Variants in NDUFAF5 observed in about 807,000 individuals in gnomAD.
The protein encoded by NDUFAF5 is NADH:ubiquinone oxidoreductase complex assembly factor 5, also known as arginine-hydroxylase NDUFAF5, mitochondrial.
In NDUFAF5, 34 loss-of-function variants were observed where a neutral mutation model predicts 48.9. The ratio of observed to expected loss-of-function variants is 0.70; its 90% CI spans 0.53 to 0.93. NDUFAF5 has a LOEUF of 0.93. Ranked by LOEUF, NDUFAF5 falls within the 40% of genes least tolerant of loss-of-function variation. The pLI, the probability that NDUFAF5 is intolerant of heterozygous loss-of-function variation, is 0.00. For synonymous variants in NDUFAF5, 153 were observed against 150.6 expected (o/e 1.02, Z -0.12); for missense variants, 428 against 427.5 (o/e 1.00, Z -0.01).
rs1486420808 is a variant in NDUFAF5, at chr20:13,818,280, ACTAAGTT to A, written c.*1071_*1077del. On this transcript the variant is annotated 3_prime_UTR_variant, in exon 11 of 11. Coordinates refer to ENST00000378106, the MANE Select transcript of NDUFAF5 (RefSeq NM_024120.5). ...ATATAACAAACTTGCCCTTTGAAAG[ACTAAGTT>A]ATAGTTAAAAACCAAGATTTGTAGG... 1 of 451,586 alleles carries A rather than the reference ACTAAGTT, an allele frequency of 2.2e-6. No homozygotes were observed. Among genetic ancestry groups the A allele is most frequent in the African/African-American group, 2.0e-5 (1 of 49,954 alleles). 28.0% of individuals were successfully genotyped at this position (451,586 alleles called of 1,614,324 possible).
chr20:13,802,192 A>G (rs973340299), intron 7 of NDUFAF5, among the ~76,000 whole-genome samples: 8 of 152,140 alleles, frequency 5.3e-5, no homozygotes, highest in African/African-American at 1.9e-4. Flanking sequence ...GGCTAGAGAA[A>G]TCTCGAAAGA....
chr20:13,785,247 C>T lies in NDUFAF5; in HGVS notation c.179C>T (p.Ala60Val). The change falls in exon 1 of 11, where the codon GCC becomes GTC. Residue 60 changes from alanine to valine, a missense_variant. Ala to Val is a moderately conservative substitution (Grantham distance 64). Coordinates refer to ENST00000378106, the MANE Select transcript of NDUFAF5 (RefSeq NM_024120.5). ...AAAAGGAAACAGAAGAACTGGGCAG[C>T]CCGGCAGCCCGAGCCGACCAAATTT... ...DLKRKQKNWAARQPEPTKFDY... is the reference protein window; with the variant it reads ...DLKRKQKNWAVRQPEPTKFDY... 6.2e-7 allele frequency: 1 copy of T among 1,613,238 alleles called. No homozygotes were observed. Among genetic ancestry groups the T allele is most frequent in the Non-Finnish European group, 8.5e-7 (1 of 1,179,706 alleles).
chr20:13,810,611 TG>T (rs1985727121), intron 8 of NDUFAF5, among the ~76,000 whole-genome samples: 3 of 151,510 alleles, frequency 2.0e-5, no homozygotes, highest in East Asian at 1.9e-4. Flanking sequence ...GAGATGAGGT[TG>T]TTTTTTTTTT....
At chr20:13,798,882 G>C (rs1048359316) in intron 6 of NDUFAF5, among the ~76,000 whole-genome samples, 1 of 152,162 alleles carries the variant, frequency 6.6e-6, no homozygotes, top group Non-Finnish European at 1.5e-5. Context: ...GAGAGTGCTA[G>C]GTAAGTTTTT....
At chr20:13,792,632 C>T (rs970530556) in intron 3 of NDUFAF5, among the ~76,000 whole-genome samples, 1 of 152,008 alleles carries the variant, frequency 6.6e-6, no homozygotes, top group African/African-American at 2.4e-5. Flanking sequence ...AAGACACAGA[C>T]TAAAGATTGA....
At chr20:13,814,164 C>T in intron 8 of NDUFAF5, 3 of 307,754 alleles carry the variant, frequency 9.7e-6, no homozygotes, top group East Asian at 8.6e-5. Context: ...TAAACCTAGT[C>T]GAACAGCCTG....
chr20:13,810,938 A>C (rs1194738092), intron 8 of NDUFAF5, among the ~76,000 whole-genome samples: 1 of 152,126 alleles, frequency 6.6e-6, no homozygotes, highest in African/African-American at 2.4e-5. Flanking sequence ...CAGAGTTTTG[A>C]GAAGTGAATG....
rs754806197 is a variant in NDUFAF5 at position 13,818,201 on chromosome 20, G to A, written c.*991G>A. The A allele has an allele frequency of 1.1e-4, 51 of 453,916 alleles. No individual in the cohort carries two copies. Among genetic ancestry groups the A allele is most frequent in the South Asian group, 7.9e-4 (51 of 64,474 alleles). The allele number at this position is 453,916 out of a possible 1,614,324, so 28.1% of individuals were successfully genotyped here. A position where few individuals can be genotyped will look rare whatever the true frequency, so the allele number is the denominator to read the frequency against. On this transcript the variant is annotated 3_prime_UTR_variant, in exon 11 of 11. Coordinates refer to ENST00000378106, the MANE Select transcript of NDUFAF5 (RefSeq NM_024120.5). ...GTGGGGGCTGTGTGTTAGCCTGTAC[G>A]TAGCACATGGGACTTTCCACATAGT...
At position 13,801,538 on chromosome 20, in the gene NDUFAF5, G is replaced by A. The variant is rs762241591; in HGVS notation, c.572G>A (p.Gly191Asp). Residue 191 changes from glycine (G) to aspartate (D), a missense_variant, in exon 7 of 11, where the codon GGC becomes GAC. Coordinates refer to ENST00000378106, the MANE Select transcript of NDUFAF5 (RefSeq NM_024120.5). ...DGVFIGAMFG[G>D]DTLYELRCSL... ...GTGTTTATCGGTGCAATGTTTGGAG[G>A]CGACACACTCTATGAACTTCGGTGT... 2.4e-5 allele frequency: 39 copies of A among 1,613,716 alleles called. No individual in the cohort carries two copies. The highest frequency in any genetic ancestry group is 3.3e-5 in the Non-Finnish European group (39 of 1,179,942).
chr20:13,815,810 A>G (rs949467740), intron 8 of NDUFAF5, among the ~76,000 whole-genome samples: 7 of 152,232 alleles, frequency 4.6e-5, no homozygotes, highest in Non-Finnish European at 1.0e-4. Flanking sequence ...CAAATATACA[A>G]CATTAATCTT....
In NDUFAF5 at chr20:13,804,335, TA is replaced by T. The variant is rs558635279; in HGVS notation, c.717+2653del. 3.1e-3 allele frequency among the ~76,000 whole-genome samples: 478 copies of T among 152,222 alleles called. 1 individual carries two copies. Among genetic ancestry groups the T allele is most frequent in the Non-Finnish European group, 4.5e-3 (304 of 68,004 alleles). On this transcript the variant is annotated intron_variant, in intron 7 of 10. Coordinates refer to ENST00000378106, the MANE Select transcript of NDUFAF5 (RefSeq NM_024120.5). ...ACTTTGTGGACCCCCAAAAAAGTCCTAGGGACCCCAGGACTCTCCAAACCAC... is the reference window on the plus strand; with the variant it reads ...ACTTTGTGGACCCCCAAAAAAGTCCTGGGACCCCAGGACTCTCCAAACCAC...
At chr20:13,813,111 G>C (rs1986068742) in intron 8 of NDUFAF5, 1 of 152,208 alleles carries the variant, frequency 6.6e-6, no homozygotes, top group African/African-American at 2.4e-5. Context: ...CACCACACCT[G>C]GCTAATTTTT....
intron 3 of NDUFAF5, 82 bp from the exon 4 acceptor site, chr20:13,793,097 TA>T: frequency 6.9e-7 from 1 of 1,451,950 alleles, no homozygotes; most frequent in Non-Finnish European, 9.7e-7. Context: ...AATTAAAATG[TA>T]ATTAACACTT....
rs1398764126 is a variant in NDUFAF5, at chr20:13,821,379, G to T, written c.*4169G>T. The T allele has an allele frequency of 6.6e-6, 1 of 152,284 alleles. No homozygotes were observed. The highest frequency in any genetic ancestry group is 2.4e-5 in the African/African-American group (1 of 41,476). The allele number at this position is 152,284 out of a possible 1,614,324, so 9.4% of individuals were successfully genotyped here. A position where few individuals can be genotyped will look rare whatever the true frequency, so the allele number is the denominator to read the frequency against. Reference sequence around the variant, plus strand: ...AACTCCATGGAGAAGACCTAGAAGTGAGGAGCAGAGGCCTCCAGCCAAAAG... The same window carrying T: ...AACTCCATGGAGAAGACCTAGAAGTTAGGAGCAGAGGCCTCCAGCCAAAAG... On this transcript the variant is annotated 3_prime_UTR_variant, in exon 11 of 11. Transcript: ENST00000378106.
intron 3 of NDUFAF5, 77 bp from the exon 4 acceptor site, chr20:13,793,103 A>G (rs571374588): frequency 2.0e-6 from 3 of 1,492,154 alleles, no homozygotes; most frequent in Non-Finnish European, 2.8e-6. Context: ...AATGTAATTA[A>G]CACTTTTACC....
intron 7 of NDUFAF5, among the ~76,000 whole-genome samples, chr20:13,804,619 A>G (rs1040971395): frequency 1.2e-4 from 19 of 152,172 alleles, no homozygotes; most frequent in African/African-American, 4.3e-4. Context: ...TTACTTAACT[A>G]TTTACCTGTG....
intron 8 of NDUFAF5, among the ~76,000 whole-genome samples, chr20:13,809,858 T>C (rs1266271870): frequency 6.6e-6 from 1 of 152,174 alleles, no homozygotes; most frequent in Non-Finnish European, 1.5e-5. Context: ...TGCTGGTGGA[T>C]TGGCTGTGGG....
rs1986966611 is a variant in NDUFAF5, at chr20:13,821,306, G to T, written c.*4096G>T. 1 of 152,178 alleles carries T rather than the reference G, an allele frequency of 6.6e-6. No individual in the cohort carries two copies. Among genetic ancestry groups the T allele is most frequent in the Non-Finnish European group, 1.5e-5 (1 of 68,044 alleles). 9.4% of individuals were successfully genotyped at this position (152,178 alleles called of 1,614,324 possible). A position where few individuals can be genotyped will look rare whatever the true frequency, so the allele number is the denominator to read the frequency against. On this transcript the variant is annotated 3_prime_UTR_variant, in exon 11 of 11. Transcript: ENST00000378106. ...CATTGCATCCTCCTTACTCTCTCTT[G>T]GATCCTTCACTCTAGGGAAAGCCAG... is the stretch of plus-strand genomic sequence containing the variant.
intron 7 of NDUFAF5, among the ~76,000 whole-genome samples, chr20:13,803,754 C>A (rs922193667): frequency 1.3e-5 from 2 of 152,066 alleles, no homozygotes; most frequent in African/African-American, 4.8e-5. Context: ...ACATAAATGA[C>A]CCTTTTTAAT....
Sources: gnomAD v4.1 joint callset for allele counts (sites outside exome capture counted in the v4.1 genomes callset) on GRCh38, gnomAD v4.1.1 for gene constraint, MANE v1.5 for transcripts, NCBI Gene and HGNC (gene_info 2026-07-23, HGNC 2026-07-21) for gene names.